Variants in ORC4 observed in about 807,000 individuals in gnomAD.
ORC4 encodes the protein origin recognition complex subunit 4, also known as origin recognition complex, subunit 4 homolog.
ORC4 carries 55 observed loss-of-function variants against 63.9 expected under a neutral mutation model. The ratio of observed to expected loss-of-function variants is 0.86; its 90% CI spans 0.69 to 1.08. The LOEUF is 1.08. Among genes scored for constraint, ORC4 ranks in the 50% least tolerant of loss-of-function variants. ORC4 has a pLI of 0.00. For missense variants in ORC4, 511 were observed against 504.4 expected (o/e 1.01, Z -0.13); for synonymous variants, 150 against 168.5 (o/e 0.89, Z 0.85).
In ORC4 at chr2:147,943,493, T is replaced by C; in HGVS notation, c.792A>G (p.Glu264=). The change falls in exon 10 of 14, where the codon GAA becomes GAG. Residue 264 remains glutamate (E), a synonymous_variant. Coordinates refer to ENST00000392857, the MANE Select transcript of ORC4 (RefSeq NM_181741.4). ...QYLSEDRSVQ[E]VLQKHFNISK... is the part of the protein sequence containing the mutation. ...TGATATTGAAATGCTTCTGTAGTAC[T>C]TCTTGCACACTTCTATCTTCTGAGA... The C allele has an allele frequency of 6.2e-7, 1 of 1,601,366 alleles. No individual in the cohort carries two copies. The highest frequency in any genetic ancestry group is 1.7e-5 in the Admixed American group (1 of 59,760).
intron 4 of ORC4, among the ~76,000 whole-genome samples, chr2:147,971,258 G>A (rs1690191207): frequency 6.6e-6 from 1 of 151,764 alleles, no homozygotes; most frequent in Non-Finnish European, 1.5e-5. Flanking sequence ...GAAATCTTCT[G>A]CTCTGCCAAA....
chr2:147,965,103 T>C (rs984687022), intron 4 of ORC4, among the ~76,000 whole-genome samples: 1 of 151,938 alleles, frequency 6.6e-6, no homozygotes, highest in Non-Finnish European at 1.5e-5. Context: ...ACCACCATCA[T>C]GAAAACAGGG....
intron 6 of ORC4, among the ~76,000 whole-genome samples, chr2:147,956,834 A>G (rs1195366576): frequency 1.3e-5 from 2 of 151,956 alleles, no homozygotes; most frequent in African/African-American, 4.8e-5. Context: ...CATAAAACCA[A>G]TATGAATATG....
chr2:147,938,117 T>C, intron 13 of ORC4, 29 bp downstream of exon 13: 1 of 1,473,836 alleles, frequency 6.8e-7, no homozygotes. Flanking sequence ...TACTTGTCTG[T>C]AGAAAAATGA....
At chr2:147,957,556 A>C (rs971152070) in intron 6 of ORC4, among the ~76,000 whole-genome samples, 15 of 152,132 alleles carry the variant, frequency 9.9e-5, no homozygotes, top group African/African-American at 3.4e-4. Context: ...GAAAGGTAAA[A>C]GTTTAATACA....
intron 1 of ORC4, among the ~76,000 whole-genome samples, chr2:148,001,908 G>A (rs1454332966): frequency 6.6e-6 from 1 of 152,084 alleles, no homozygotes; most frequent in Non-Finnish European, 1.5e-5. Context: ...TAAAGGGATG[G>A]AGGAATATTT....
At chr2:148,008,941 CA>C (rs1290523798) in intron 1 of ORC4, among the ~76,000 whole-genome samples, 1 of 151,270 alleles carries the variant, frequency 6.6e-6, no homozygotes, top group Non-Finnish European at 1.5e-5. Context: ...TTCTATATAA[CA>C]CTATCAAAAA....
At chr2:147,946,132 A>T (rs1688646326) in intron 9 of ORC4, among the ~76,000 whole-genome samples, 1 of 152,116 alleles carries the variant, frequency 6.6e-6, no homozygotes, top group Non-Finnish European at 1.5e-5. Context: ...TAAGTCACGC[A>T]GTTATACTTC....
chr2:147,965,098 C>T (rs952699916), intron 4 of ORC4, among the ~76,000 whole-genome samples: 1 of 151,948 alleles, frequency 6.6e-6, no homozygotes, highest in African/African-American at 2.4e-5. Context: ...TGATGACCAC[C>T]ATCATGAAAA....
Position 147,958,411 on chromosome 2 carries a change from T to C in ORC4, c.302-28A>G, listed in dbSNP as rs1689386670. On this transcript the variant is annotated intron_variant, in intron 5 of 13. Coordinates refer to ENST00000392857, the MANE Select transcript of ORC4 (RefSeq NM_181741.4). ...AAAATAAAGTCCATTTAAAAGTATT[T>C]AATTAAAATTAAACATGTATTTGAT... 3.3e-6 allele frequency: 5 copies of C among 1,516,140 alleles called. No homozygotes were observed. The East Asian group carries it at 1.1e-4, about 35-fold the overall frequency. 93.9% of individuals were successfully genotyped at this position (1,516,140 alleles called of 1,614,324 possible). A position where few individuals can be genotyped will look rare whatever the true frequency, so the allele number is the denominator to read the frequency against.
At chr2:147,951,652 A>C (rs1222809411) in intron 8 of ORC4, 1 of 152,218 alleles carries the variant, frequency 6.6e-6, no homozygotes, top group Non-Finnish European at 1.5e-5. Flanking sequence ...TGAGATAAAT[A>C]AACTTCTTTT....
chr2:148,019,317 C>T (rs953166623), intron 1 of ORC4, among the ~76,000 whole-genome samples: 3 of 152,176 alleles, frequency 2.0e-5, no homozygotes, highest in African/African-American at 7.2e-5. Context: ...CGGCCGGGCG[C>T]GGTGGCTCAC....
intron 8 of ORC4, among the ~76,000 whole-genome samples, chr2:147,949,929 A>G (rs953725803): frequency 3.9e-5 from 6 of 152,224 alleles, no homozygotes; most frequent in African/African-American, 1.4e-4. Flanking sequence ...ACATCTAGCC[A>G]GATGACTCTC....
At chr2:147,969,046 C>A (rs1363002578) in intron 4 of ORC4, among the ~76,000 whole-genome samples, 5 of 151,862 alleles carry the variant, frequency 3.3e-5, no homozygotes, top group Admixed American at 3.3e-4. Context: ...AAGTTAAACA[C>A]CATGCGTTTT....
chr2:148,000,911 C>T (rs977196821), intron 1 of ORC4, among the ~76,000 whole-genome samples: 54 of 152,030 alleles, frequency 3.6e-4, no homozygotes, highest in Admixed American at 3.5e-3. Flanking sequence ...GCTAAATCTA[C>T]ATCACCTATA....
Position 147,930,954 on chromosome 2 carries a change from C to CACTA in ORC4, c.*4552_*4555dup, listed in dbSNP as rs1214481816. 2 of 150,788 alleles carry CACTA rather than the reference C, an allele frequency of 1.3e-5. No homozygotes were observed. Among genetic ancestry groups the CACTA allele is most frequent in the East Asian group, 1.9e-4 (1 of 5,132 alleles). The allele number at this position is 150,788 out of a possible 1,614,324, so 9.3% of individuals were successfully genotyped here. ...ATGTGCCATGCTGGTGCGCTGCACCCACTAACTCGTCATCTAGCATTAGGT... is the reference window on the plus strand; with the variant it reads ...ATGTGCCATGCTGGTGCGCTGCACCCACTAACTAACTCGTCATCTAGCATTAGGT... On this transcript the variant is annotated 3_prime_UTR_variant, in exon 14 of 14. Transcript: ENST00000392857.
intron 1 of ORC4, among the ~76,000 whole-genome samples, chr2:148,017,164 A>G (rs1292296299): frequency 6.6e-6 from 1 of 152,240 alleles, no homozygotes; most frequent in Non-Finnish European, 1.5e-5. Flanking sequence ...GCAATACAGT[A>G]AAAGTGACAT....
chr2:148,005,993 A>T (rs1198862058), intron 1 of ORC4, among the ~76,000 whole-genome samples: 1 of 152,064 alleles, frequency 6.6e-6, no homozygotes, highest in East Asian at 1.9e-4. Context: ...CAAACAAATA[A>T]ACACACTAAC....
At position 147,972,766 on chromosome 2, in the gene ORC4, G is replaced by T; in HGVS notation, c.198C>A (p.Ile66=). The change falls in exon 4 of 14, where the codon ATC becomes ATA. Residue 66 remains isoleucine (I), a synonymous_variant. Coordinates refer to ENST00000392857, the MANE Select transcript of ORC4 (RefSeq NM_181741.4). Reference sequence around the variant, plus strand: ...TAGTTTTTCCTGATCCTCGGGGTCCGATAATAAGGACAGAGTTACTCTCTC... The same window carrying T: ...TAGTTTTTCCTGATCCTCGGGGTCCTATAATAAGGACAGAGTTACTCTCTC... ...LHGESNSVLI[I]GPRGSGKTML... is the part of the protein sequence containing the mutation. 6.2e-7 allele frequency: 1 copy of T among 1,609,824 alleles called. No homozygotes were observed. The highest frequency in any genetic ancestry group is 8.5e-7 in the Non-Finnish European group (1 of 1,177,128).
Sources: gnomAD v4.1 joint callset for allele counts (sites outside exome capture counted in the v4.1 genomes callset) on GRCh38, gnomAD v4.1.1 for gene constraint, MANE v1.5 for transcripts, NCBI Gene and HGNC (gene_info 2026-07-23, HGNC 2026-07-21) for gene names.